Variants in NDFIP2 observed in about 807,000 individuals in gnomAD.
NDFIP2 encodes Nedd4 family interacting protein 2, also known as NEDD4 family-interacting protein 2.
In NDFIP2, 19 loss-of-function variants were observed where a neutral mutation model predicts 36.0. The observed-to-expected ratio is 0.53, with a 90% CI of 0.37 to 0.77. The LOEUF is 0.77. NDFIP2 is among the 30% of genes least tolerant of loss of function. NDFIP2 has a pLI of 0.00. For synonymous variants in NDFIP2, 181 were observed against 167.7 expected, an observed-to-expected ratio of 1.08 and a Z score of -0.61; for missense variants, 446 against 435.8, an observed-to-expected ratio of 1.02 and a Z score of -0.21.
At chr13:79,507,986 A>G (rs148750806) in intron 1 of NDFIP2, among the ~76,000 whole-genome samples, 1 of 152,068 alleles carries the variant, frequency 6.6e-6, no homozygotes, top group Non-Finnish European at 1.5e-5. Flanking sequence ...ATTATAATGT[A>G]TATTTTAGTT....
In NDFIP2 at chr13:79,553,825, C is replaced by T. The variant is rs1027435420; in HGVS notation, c.*1312C>T. 9.9e-5 allele frequency: 15 copies of T among 151,700 alleles called. No individual in the cohort carries two copies. Among genetic ancestry groups the T allele is most frequent in the South Asian group, 2.1e-4 (1 of 4,808 alleles). 9.4% of individuals were successfully genotyped at this position (151,700 alleles called of 1,614,324 possible). ...TTTATGTCTCATCTGTTTTTCCTTT[C>T]GGTTATATCTTTGGTTTTGAATACC... On this transcript the variant is annotated 3_prime_UTR_variant, in exon 8 of 8. Transcript: ENST00000218652.
chr13:79,492,984 TC>T (rs1873301965), intron 1 of NDFIP2, among the ~76,000 whole-genome samples: 1 of 152,168 alleles, frequency 6.6e-6, no homozygotes. Context: ...CCCTTTTACC[TC>T]CCCATCTCCA....
At position 79,507,065 on chromosome 13, in the gene NDFIP2, T is replaced by A. The variant is rs545984497; in HGVS notation, c.322-13745T>A. Among the ~76,000 whole-genome samples, 3 of 152,280 alleles carry A rather than the reference T, an allele frequency of 2.0e-5. No homozygotes were observed. In the South Asian group the frequency reaches 6.2e-4, roughly 32 times the overall value. On this transcript the variant is annotated intron_variant, in intron 1 of 7. Coordinates refer to ENST00000218652, the MANE Select transcript of NDFIP2 (RefSeq NM_019080.3). The stretch of plus-strand genomic sequence containing the variant: ...GAAAGATGAAGTTGAGTGCTGTTCA[T>A]ACGTTTTGTCATCTCTTTCTTCAGT...
At chr13:79,490,362 C>T (rs907894861) in intron 1 of NDFIP2, among the ~76,000 whole-genome samples, 2 of 152,076 alleles carry the variant, frequency 1.3e-5, no homozygotes, top group Non-Finnish European at 2.9e-5. Flanking sequence ...ATCATGGATT[C>T]CTCCTGAGTG....
At chr13:79,538,656 C>T (rs903160719) in intron 3 of NDFIP2, among the ~76,000 whole-genome samples, 1 of 151,176 alleles carries the variant, frequency 6.6e-6, no homozygotes, top group Non-Finnish European at 1.5e-5. Flanking sequence ...GATCTCGGCT[C>T]ACTGCAGCTG....
In NDFIP2 at chr13:79,554,920, A is replaced by G. The variant is rs967959853; in HGVS notation, c.*2407A>G. On this transcript the variant is annotated 3_prime_UTR_variant, in exon 8 of 8. Coordinates refer to ENST00000218652, the MANE Select transcript of NDFIP2 (RefSeq NM_019080.3). ...TAATCCATTTTCATGTATTTATGCA[A>G]TAAACTGAATTTTAAGGCAAAAACA... 2.0e-5 allele frequency: 3 copies of G among 151,940 alleles called. No homozygotes were observed. The highest frequency in any genetic ancestry group is 2.0e-4 in the Admixed American group (3 of 15,238). 9.4% of individuals were successfully genotyped at this position (151,940 alleles called of 1,614,324 possible).
chr13:79,516,838 G>C (rs192038203), intron 1 of NDFIP2, among the ~76,000 whole-genome samples: 1 of 152,170 alleles, frequency 6.6e-6, no homozygotes, highest in East Asian at 1.9e-4. Context: ...TTCTTTTAGA[G>C]AACATTCAGT....
Position 79,539,596 on chromosome 13 carries a change from T to G in NDFIP2, c.622-86T>G, listed in dbSNP as rs1875379061. ...TGTCTATACAACAAATTGAGAACAT[T>G]AGATGTTGCTGAAGTTCTTATGCTT... On this transcript the variant is annotated intron_variant, in intron 3 of 7. Coordinates refer to ENST00000218652, the MANE Select transcript of NDFIP2 (RefSeq NM_019080.3). 5 of 1,025,682 alleles carry G rather than the reference T, an allele frequency of 4.9e-6. No homozygotes were observed. The South Asian group carries it at 6.7e-5, about 14-fold the overall frequency. 63.5% of individuals were successfully genotyped at this position (1,025,682 alleles called of 1,614,324 possible).
In NDFIP2 at chr13:79,552,689, T is replaced by C. The variant is rs1875952673; in HGVS notation, c.*176T>C. 6.6e-6 allele frequency: 1 copy of C among 151,880 alleles called. No individual in the cohort carries two copies. The highest frequency in any genetic ancestry group is 6.6e-5 in the Admixed American group (1 of 15,188). The allele number at this position is 151,880 out of a possible 1,614,324, so 9.4% of individuals were successfully genotyped here. ...TTGCTTACAAGCCATTTCTGTTCATTCTTTAAGTATCTATATTTCATTTGT... is the reference window on the plus strand; with the variant it reads ...TTGCTTACAAGCCATTTCTGTTCATCCTTTAAGTATCTATATTTCATTTGT... On this transcript the variant is annotated 3_prime_UTR_variant, in exon 8 of 8. Coordinates refer to ENST00000218652, the MANE Select transcript of NDFIP2 (RefSeq NM_019080.3).
At chr13:79,490,029 A>G (rs1238109729) in intron 1 of NDFIP2, among the ~76,000 whole-genome samples, 2 of 152,186 alleles carry the variant, frequency 1.3e-5, no homozygotes, top group Non-Finnish European at 2.9e-5. Flanking sequence ...TGTAGTCTCC[A>G]TGTCAGGACA....
intron 1 of NDFIP2, among the ~76,000 whole-genome samples, chr13:79,488,283 G>T (rs1278590774): frequency 3.3e-5 from 5 of 152,048 alleles, no homozygotes; most frequent in African/African-American, 4.8e-5. Context: ...TGGGTTGCCA[G>T]GGTAAATTGC....
At position 79,539,708 on chromosome 13, in the gene NDFIP2, A is replaced by C; in HGVS notation, c.648A>C (p.Arg216Ser). The C allele has an allele frequency of 4.3e-6, 7 of 1,613,832 alleles. No individual in the cohort carries two copies. Among genetic ancestry groups the C allele is most frequent in the Non-Finnish European group, 5.9e-6 (7 of 1,179,816 alleles). ...QRIQEEECPP[R>S]DDFSDADQLR... ...TTCAGGAGGAAGAGTGTCCACCAAGAGATGACTTCAGTGATGCAGACCAGC... is the reference window on the plus strand; with the variant it reads ...TTCAGGAGGAAGAGTGTCCACCAAGCGATGACTTCAGTGATGCAGACCAGC... Residue 216 changes from arginine to serine, a missense_variant, in exon 4 of 8, where the codon AGA becomes AGC. By Grantham distance (110) the Arg-to-Ser change is moderately radical. This residue lies in a region of NDFIP2 where 369 missense variants were observed against 304.8 expected (regional missense o/e 1.21). Coordinates refer to ENST00000218652, the MANE Select transcript of NDFIP2 (RefSeq NM_019080.3).
Position 79,530,717 on chromosome 13 carries a change from CATTT to C in NDFIP2, c.488-2604_488-2601del, listed in dbSNP as rs773069541. ...CATCCATAAGAAGCAACTGTTCATT[CATTT>C]AAGTTTTACCATGAGATTGCAGCAA... On this transcript the variant is annotated intron_variant, in intron 2 of 7. Coordinates refer to ENST00000218652, the MANE Select transcript of NDFIP2 (RefSeq NM_019080.3). 1.5e-4 allele frequency among the ~76,000 whole-genome samples: 23 copies of C among 152,302 alleles called. 1 individual carries two copies. The highest frequency in any genetic ancestry group is 4.6e-4 in the Admixed American group (7 of 15,300).
intron 4 of NDFIP2, 89 bp from the exon 5 acceptor site, chr13:79,543,469 T>C (rs1377485385): frequency 2.0e-6 from 3 of 1,493,534 alleles, no homozygotes; most frequent in Non-Finnish European, 1.8e-6. Context: ...AGCTGCTGTT[T>C]CCATTGAGCC....
chr13:79,546,818 CT>C (rs1332721142), intron 5 of NDFIP2, among the ~76,000 whole-genome samples: 1 of 152,036 alleles, frequency 6.6e-6, no homozygotes, highest in Non-Finnish European at 1.5e-5. Context: ...TGCCTTTGTT[CT>C]TTATTCTTTT....
intron 1 of NDFIP2, among the ~76,000 whole-genome samples, chr13:79,490,507 G>C (rs1013237870): frequency 1.2e-4 from 19 of 152,084 alleles, no homozygotes; most frequent in African/African-American, 2.4e-5. Flanking sequence ...GGGCTAGATA[G>C]TATTTTAGGC....
intron 2 of NDFIP2, among the ~76,000 whole-genome samples, chr13:79,530,331 G>A (rs1275430731): frequency 6.6e-6 from 1 of 152,116 alleles, no homozygotes; most frequent in Non-Finnish European, 1.5e-5. Context: ...TGCCCAGGCA[G>A]GTCTCAAACT....
intron 3 of NDFIP2, among the ~76,000 whole-genome samples, chr13:79,535,213 T>C (rs1875187706): frequency 1.3e-5 from 2 of 152,152 alleles, no homozygotes; most frequent in African/African-American, 4.8e-5. Flanking sequence ...GCTATGAAAG[T>C]CCCAATAACT....
chr13:79,505,133 G>A (rs1005964104), intron 1 of NDFIP2, among the ~76,000 whole-genome samples: 6 of 152,142 alleles, frequency 3.9e-5, no homozygotes, highest in Non-Finnish European at 7.4e-5. Context: ...GGCATCAGTG[G>A]GAGAAAACTG....
Sources: gnomAD v4.1 joint callset for allele counts (sites outside exome capture counted in the v4.1 genomes callset) on GRCh38, gnomAD v4.1.1 for gene constraint, gnomAD v4.1.1 regional missense constraint, MANE v1.5 for transcripts, NCBI Gene and HGNC (gene_info 2026-07-23, HGNC 2026-07-21) for gene names.